DISC1: variants seen among roughly 807,000 people sequenced by gnomAD.
DISC1 encodes DISC1 scaffold protein, also known as disrupted in schizophrenia 1 protein.
In DISC1, 57 loss-of-function variants were observed where a neutral mutation model predicts 84.5. That is an observed-to-expected ratio of 0.67 (90% CI 0.55 to 0.84). DISC1 has a LOEUF of 0.84. Among genes scored for constraint, DISC1 ranks in the 40% least tolerant of loss-of-function variants. The pLI is 0.00. For synonymous variants in DISC1, 411 were observed against 415.2 expected, an observed-to-expected ratio of 0.99 and a Z score of 0.12; for missense variants, 1,000 against 1,057.8, an observed-to-expected ratio of 0.95 and a Z score of 0.76.
intron 9 of DISC1, among the ~76,000 whole-genome samples, chr1:231,904,559 C>G (rs1452718309): frequency 1.3e-5 from 2 of 152,092 alleles, no homozygotes; most frequent in Non-Finnish European, 2.9e-5. Flanking sequence ...CCTAAATACA[C>G]AGATAGATAC....
intron 10 of DISC1, among the ~76,000 whole-genome samples, chr1:232,001,843 C>G (rs1361165448): frequency 2.6e-5 from 4 of 152,044 alleles, no homozygotes; most frequent in African/African-American, 9.7e-5. Flanking sequence ...TTCCAAGACT[C>G]GACATTAGAA....
intron 1 of DISC1, among the ~76,000 whole-genome samples, chr1:231,680,230 AAAAC>A (rs1345759289): frequency 2.0e-5 from 3 of 152,220 alleles, no homozygotes; most frequent in South Asian, 2.1e-4. Context: ...TCTTGTCAAA[AAAAC>A]AAACAAACAA....
chr1:231,938,627 T>C (rs190955313), intron 9 of DISC1, among the ~76,000 whole-genome samples: 4 of 152,338 alleles, frequency 2.6e-5, no homozygotes, highest in Admixed American at 2.0e-4. Context: ...CCTTCTGTGT[T>C]GGACCTCTGA....
chr1:231,738,723 C>A (rs1018957052), intron 3 of DISC1, among the ~76,000 whole-genome samples: 1 of 152,118 alleles, frequency 6.6e-6, no homozygotes, highest in African/African-American at 2.4e-5. Context: ...ATGCCTACTC[C>A]CCATCAAACC....
At chr1:231,642,727 C>T (rs936053472) in intron 1 of DISC1, among the ~76,000 whole-genome samples, 1 of 151,804 alleles carries the variant, frequency 6.6e-6, no homozygotes, top group Non-Finnish European at 1.5e-5. Context: ...TTTGGTGTTT[C>T]TGAATCTCTT....
chr1:231,694,176 A>G lies in DISC1; in HGVS notation c.418A>G (p.Ser140Gly), dbSNP rs775068297. ...GCTTAGCTGGCCGTGTGGCCCTGGG[A>G]GTGCTGGGTGGCAGCAAGAGTTTGC... Reference protein sequence around the residue: ...DRLSWPCGPGSAGWQQEFAAM... With the variant: ...DRLSWPCGPGGAGWQQEFAAM... Residue 140 changes from serine to glycine, a missense_variant, in exon 2 of 13, where the codon AGT becomes GGT. Ser to Gly is a moderately conservative substitution (Grantham distance 56). Coordinates refer to ENST00000439617, the MANE Select transcript of DISC1 (RefSeq NM_018662.3). The G allele has an allele frequency of 3.7e-6, 6 of 1,614,018 alleles. No homozygotes were observed. The African/African-American group carries it at 8.0e-5, about 22-fold the overall frequency.
intron 6 of DISC1, among the ~76,000 whole-genome samples, chr1:231,779,050 C>T (rs1174197755): frequency 1.3e-5 from 2 of 152,166 alleles, no homozygotes; most frequent in African/African-American, 2.4e-5. Flanking sequence ...AAATTATAAA[C>T]AAGACCTAAG....
At position 232,008,899 on chromosome 1, in the gene DISC1, G is replaced by A. The variant is rs367543095; in HGVS notation, c.2157G>A (p.Glu719=). ...GGGGAAGCCTGTCTGTAGAAGATGA[G>A]AGGCAGATGGATGACTTAGAGGGAG... ...EARGSLSVED[E]RQMDDLEGAA... The change falls in exon 11 of 13, where the codon GAG becomes GAA. Residue 719 remains glutamate (E), a synonymous_variant. Transcript: ENST00000439617. The A allele has an allele frequency of 3.1e-6, 5 of 1,613,696 alleles. No homozygotes were observed. The African/African-American group carries it at 4.0e-5, about 13-fold the overall frequency.
chr1:231,924,168 G>A (rs895848686), intron 9 of DISC1, among the ~76,000 whole-genome samples: 1 of 152,188 alleles, frequency 6.6e-6, no homozygotes, highest in African/African-American at 2.4e-5. Context: ...AGTGAATACA[G>A]GCAACCATCA....
chr1:232,004,926 TTCCTTCCA>T (rs1667183149), intron 10 of DISC1, among the ~76,000 whole-genome samples: 1 of 131,182 alleles, frequency 7.6e-6, no homozygotes, highest in Non-Finnish European at 1.6e-5. Context: ...CCTTCTTCCC[TTCCTTCCA>T]TCCTTCTTCC....
At chr1:231,940,529 G>A (rs1002602646) in intron 9 of DISC1, among the ~76,000 whole-genome samples, 2 of 152,082 alleles carry the variant, frequency 1.3e-5, no homozygotes, top group African/African-American at 2.4e-5. Flanking sequence ...TATGCTTCCC[G>A]ACATTCAGCA....
rs144451825 is a variant in DISC1 at position 231,686,353 on chromosome 1, G to A, written c.68-7473G>A. Among the ~76,000 whole-genome samples the A allele has an allele frequency of 2.5e-4, 38 of 152,358 alleles. No homozygotes were observed. In the Middle Eastern group the frequency reaches 0.014, roughly 55 times the overall value. On this transcript the variant is annotated intron_variant, in intron 1 of 12. Transcript: ENST00000439617. ...TGGGCATCCAGCCGTTTCCATACGT[G>A]TTCTGAAATCTAGGTGGTGGTTCCC...
At chr1:231,723,669 A>C in intron 3 of DISC1, 5 of 985,496 alleles carry the variant, frequency 5.1e-6, no homozygotes, top group Non-Finnish European at 6.0e-6. Flanking sequence ...TGACACTGTC[A>C]GCCACTGTTA....
rs567203819 is a variant in DISC1, at chr1:231,974,972, T to C, written c.2042+16084T>C. Reference sequence around the variant, plus strand: ...AAAATTAGCTGGGCGTGGTGGCACATGCCTGTAGTCCCAGCTACTCGGGAG... The same window carrying C: ...AAAATTAGCTGGGCGTGGTGGCACACGCCTGTAGTCCCAGCTACTCGGGAG... On this transcript the variant is annotated intron_variant, in intron 10 of 12. Transcript: ENST00000439617. Among the ~76,000 whole-genome samples, 760 of 152,064 alleles carry C rather than the reference T, an allele frequency of 5.0e-3. 5 individuals carry two copies. The highest frequency in any genetic ancestry group is 6.9e-3 in the Non-Finnish European group (470 of 67,986).
intron 9 of DISC1, among the ~76,000 whole-genome samples, chr1:231,939,644 G>A (rs1270303476): frequency 1.3e-5 from 2 of 152,078 alleles, no homozygotes; most frequent in East Asian, 3.9e-4. Context: ...CGGACATTCA[G>A]TTTCCCTAAT....
chr1:231,639,800 G>A (rs1428699413), intron 1 of DISC1, among the ~76,000 whole-genome samples: 1 of 152,206 alleles, frequency 6.6e-6, no homozygotes, highest in Non-Finnish European at 1.5e-5. Flanking sequence ...AAACTTGCTT[G>A]TATTGTCCCC....
rs1185136238 is a variant in DISC1 at position 231,958,928 on chromosome 1, A to G, written c.2042+40A>G. 3.2e-6 allele frequency: 5 copies of G among 1,572,030 alleles called. No individual in the cohort carries two copies. The East Asian group carries it at 6.9e-5, about 22-fold the overall frequency. On this transcript the variant is annotated intron_variant, in intron 10 of 12. Coordinates refer to ENST00000439617, the MANE Select transcript of DISC1 (RefSeq NM_018662.3). ...TTCTGTATTTCAGACTCCGTAGCAC[A>G]TCTAGATTCTTTATTATAACAGAAT...
chr1:231,889,715 T>C (rs912886741), intron 9 of DISC1, among the ~76,000 whole-genome samples: 2 of 152,136 alleles, frequency 1.3e-5, no homozygotes, highest in African/African-American at 4.8e-5. Context: ...TTACCACACA[T>C]GCTTCAGTCT....
chr1:232,013,953 A>G (rs527318526), intron 11 of DISC1, among the ~76,000 whole-genome samples: 3 of 152,138 alleles, frequency 2.0e-5, no homozygotes, highest in Non-Finnish European at 4.4e-5. Flanking sequence ...AGGGCAAGAG[A>G]AGGCAGAGAG....
Sources: gnomAD v4.1 joint callset for allele counts (sites outside exome capture counted in the v4.1 genomes callset) on GRCh38, gnomAD v4.1.1 for gene constraint, MANE v1.5 for transcripts, NCBI Gene and HGNC (gene_info 2026-07-23, HGNC 2026-07-21) for gene names.